EBF2: variants seen among roughly 807,000 people sequenced by gnomAD.
The protein encoded by EBF2 is transcription factor COE2.
Under a neutral mutation model 72.8 loss-of-function variants are expected in EBF2, and 21 were observed. That is an observed-to-expected ratio of 0.29 (90% confidence interval 0.20 to 0.42). The LOEUF is 0.42. EBF2 is among the 10% of genes least tolerant of loss of function. The pLI, the probability that EBF2 is intolerant of heterozygous loss-of-function variation, is 1.00. For synonymous variants in EBF2, 299 were observed against 274.2 expected, an observed-to-expected ratio of 1.09 and a Z score of -0.89; for missense variants, 637 against 731.2, an observed-to-expected ratio of 0.87 and a Z score of 1.49.
chr8:25,969,029 G>GA lies in EBF2; in HGVS notation c.552-60475dup, dbSNP rs201740648. 9.7e-4 allele frequency among the ~76,000 whole-genome samples: 143 copies of GA among 147,512 alleles called. 2 individuals are homozygous for GA. Among genetic ancestry groups the GA allele is most frequent in the African/African-American group, 3.0e-3 (119 of 40,292 alleles). Reference sequence around the variant, plus strand: ...AAAATGGTAAAAAAAAATTTTGATTGAAAAAAAAAAGAATCTCAGTGAATC... The same window carrying GA: ...AAAATGGTAAAAAAAAATTTTGATTGAAAAAAAAAAAGAATCTCAGTGAATC... On this transcript the variant is annotated intron_variant, in intron 6 of 15. Coordinates refer to ENST00000520164, the MANE Select transcript of EBF2 (RefSeq NM_022659.4).
chr8:26,033,017 G>A (rs1805434583), intron 6 of EBF2, 68 bp downstream of exon 6: 3 of 1,411,288 alleles, frequency 2.1e-6, no homozygotes, highest in South Asian at 2.3e-5. Flanking sequence ...CCATGGATCA[G>A]TACTCAGAGT....
chr8:26,040,994 G>A lies in EBF2; in HGVS notation c.297C>T (p.Gly99=). ...VDFVENDKEQ[G]NEKTNNGTHY... is the part of the protein sequence containing the mutation. ...GAGTGCCGTTGTTGGTCTTCTCGTTGCCTTGTTCCTGAAAAGACAGGCAGC... is the reference window on the plus strand; with the variant it reads ...GAGTGCCGTTGTTGGTCTTCTCGTTACCTTGTTCCTGAAAAGACAGGCAGC... The change falls in exon 3 of 16, where the codon GGC becomes GGT. Residue 99 remains glycine, a synonymous_variant. Coordinates refer to ENST00000520164, the MANE Select transcript of EBF2 (RefSeq NM_022659.4). The A allele has an allele frequency of 6.2e-7, 1 of 1,614,182 alleles. No homozygotes were observed. The highest frequency in any genetic ancestry group is 8.5e-7 in the Non-Finnish European group (1 of 1,180,028).
intron 6 of EBF2, among the ~76,000 whole-genome samples, chr8:25,959,635 C>T (rs1485602906): frequency 6.6e-6 from 1 of 152,182 alleles, no homozygotes; most frequent in Non-Finnish European, 1.5e-5. Context: ...TTCCTAAATC[C>T]ATAGCTCAGC....
chr8:25,959,745 G>T (rs971539521), intron 6 of EBF2, among the ~76,000 whole-genome samples: 1 of 152,056 alleles, frequency 6.6e-6, no homozygotes, highest in African/African-American at 2.4e-5. Context: ...CTTTCCCTCT[G>T]GGTTTCATTG....
intron 7 of EBF2, among the ~76,000 whole-genome samples, chr8:25,907,012 G>T (rs1446274173): frequency 6.6e-6 from 1 of 151,932 alleles, no homozygotes. Context: ...CTCTTGAATG[G>T]CTCTGCTCCT....
In EBF2 at chr8:25,938,143, T is replaced by C. The variant is rs1803609500; in HGVS notation, c.552-29588A>G. On this transcript the variant is annotated intron_variant, in intron 6 of 15. Transcript: ENST00000520164. The stretch of plus-strand genomic sequence containing the variant: ...TTACTGACAGGAGAATTTTTGACAG[T>C]TGATGGACAGATGAATTCCGTCATG... Among the ~76,000 whole-genome samples, 3 of 152,090 alleles carry C rather than the reference T, an allele frequency of 2.0e-5. No individual in the cohort carries two copies. The South Asian group carries it at 6.2e-4, about 32-fold the overall frequency.
rs74956426 is a variant in EBF2 at position 26,019,079 on chromosome 8, T to C, written c.551+14006A>G. On this transcript the variant is annotated intron_variant, in intron 6 of 15. Coordinates refer to ENST00000520164, the MANE Select transcript of EBF2 (RefSeq NM_022659.4). ...AAAGGAGAGGCTTTTATTTACTCCC[T>C]GGGTCAGGCTTTCTGCCTTCAGGCC... is the stretch of plus-strand genomic sequence containing the variant. Among the ~76,000 whole-genome samples, 1,656 of 152,322 alleles carry C rather than the reference T, an allele frequency of 0.011. 58 individuals are homozygous for C. In the East Asian group the frequency reaches 0.13, roughly 12 times the overall value.
chr8:25,862,917 T>C (rs1007212844), intron 10 of EBF2, 120 bp from the exon 11 acceptor site: 31 of 510,464 alleles, frequency 6.1e-5, no homozygotes, highest in Non-Finnish European at 8.4e-5. Context: ...TCAGTTAGGG[T>C]TTTTGCTATC....
intron 6 of EBF2, among the ~76,000 whole-genome samples, chr8:26,030,916 G>A (rs1805391041): frequency 6.6e-6 from 1 of 152,144 alleles, no homozygotes; most frequent in South Asian, 2.1e-4. Flanking sequence ...TAGACACAAA[G>A]ATACTTTCTT....
At chr8:25,996,730 A>C (rs1191564519) in intron 6 of EBF2, among the ~76,000 whole-genome samples, 1 of 152,138 alleles carries the variant, frequency 6.6e-6, no homozygotes, top group East Asian at 1.9e-4. Flanking sequence ...ATTGACAATA[A>C]AATTAAATAA....
intron 6 of EBF2, chr8:26,032,839 C>A: frequency 1.9e-6 from 1 of 522,070 alleles, no homozygotes; most frequent in Non-Finnish European, 3.5e-6. Flanking sequence ...ACACATACTA[C>A]TTATTAGGCT....
Position 26,044,961 on chromosome 8 carries a change from C to A in EBF2, c.-102G>T. 3 of 1,280,094 alleles carry A rather than the reference C, an allele frequency of 2.3e-6. No individual in the cohort carries two copies. Among genetic ancestry groups the A allele is most frequent in the Non-Finnish European group, 2.1e-6 (2 of 944,638 alleles). 79.3% of individuals were successfully genotyped at this position (1,280,094 alleles called of 1,614,324 possible). On this transcript the variant is annotated 5_prime_UTR_variant, in exon 1 of 16. Transcript: ENST00000520164. This position sits in a 1 kb window ranked among gnomAD's most constrained non-coding sequence, Gnocchi z 4.1. ...GCAAATCGTCTCCTCCAAAGCAATC[C>A]AAGAAAAGGGATCAAGTGCCCAAGT...
At chr8:26,019,540 A>G (rs541564991) in intron 6 of EBF2, among the ~76,000 whole-genome samples, 1 of 152,292 alleles carries the variant, frequency 6.6e-6, no homozygotes, top group African/African-American at 2.4e-5. Context: ...AATCCAACAG[A>G]TCATTGGCCC....
At chr8:26,039,515 C>T (rs1805563955) in intron 5 of EBF2, among the ~76,000 whole-genome samples, 1 of 152,176 alleles carries the variant, frequency 6.6e-6, no homozygotes, top group Non-Finnish European at 1.5e-5. Flanking sequence ...AGAGCAACCT[C>T]CCGGGAGGAA....
At chr8:25,886,515 A>G (rs1372649050) in intron 10 of EBF2, among the ~76,000 whole-genome samples, 2 of 152,232 alleles carry the variant, frequency 1.3e-5, no homozygotes, top group Non-Finnish European at 2.9e-5. Flanking sequence ...TTAAATTTTC[A>G]GAGATGTGTT....
intron 10 of EBF2, among the ~76,000 whole-genome samples, chr8:25,865,912 C>T (rs1314537171): frequency 6.6e-6 from 1 of 151,770 alleles, no homozygotes; most frequent in Non-Finnish European, 1.5e-5. Flanking sequence ...GTAGTCCCAG[C>T]TACTCGGGAG....
chr8:26,031,657 A>G (rs553821182), intron 6 of EBF2: 1 of 152,120 alleles, frequency 6.6e-6, no homozygotes, highest in African/African-American at 2.4e-5. Flanking sequence ...GCTGGTCGCA[A>G]ACCCCCGACC....
chr8:25,998,043 G>A (rs1422802676), intron 6 of EBF2, among the ~76,000 whole-genome samples: 1 of 152,064 alleles, frequency 6.6e-6, no homozygotes, highest in Non-Finnish European at 1.5e-5. Flanking sequence ...CTTGCTCTTT[G>A]GCAAACAAAA....
chr8:25,881,715 G>C (rs1361202393), intron 10 of EBF2, among the ~76,000 whole-genome samples: 4 of 152,184 alleles, frequency 2.6e-5, no homozygotes, highest in African/African-American at 7.2e-5. Flanking sequence ...CATTTCCCAA[G>C]ACCACCCTGG....
Sources: allele counts gnomAD v4.1 joint callset (sites outside exome capture counted in the v4.1 genomes callset), GRCh38; gene constraint gnomAD v4.1.1; non-coding constraint Gnocchi (gnomAD v3.1); transcripts MANE v1.5; gene names NCBI Gene and HGNC (gene_info 2026-07-23, HGNC 2026-07-21).